ELAVL4: variants seen among roughly 807,000 people sequenced by gnomAD.
ELAVL4 encodes the protein ELAV like RNA binding protein 4, also known as ELAV-like protein 4.
Under a neutral mutation model 35.6 loss-of-function variants are expected in ELAVL4, and 1 was observed. The observed-to-expected ratio is 0.03, with a 90% CI of 0.01 to 0.13. The LOEUF is 0.13. ELAVL4 is among the 10% of genes least tolerant of loss of function. The pLI, the probability that ELAVL4 is intolerant of heterozygous loss-of-function variation, is 1.00. For missense variants in ELAVL4, 267 were observed against 464.9 expected (o/e 0.57, Z 3.91); for synonymous variants, 156 against 171.0 (o/e 0.91, Z 0.69).
upstream of ELAVL4, among the ~76,000 whole-genome samples, chr1:50,101,718 C>G (rs1365127453): frequency 2.0e-5 from 3 of 151,920 alleles, no homozygotes; most frequent in African/African-American, 7.3e-5. Flanking sequence ...CAAGGCTGGG[C>G]AAAATACTGA....
chr1:50,106,086 T>G, upstream of ELAVL4: 3 of 431,096 alleles, frequency 7.0e-6, no homozygotes, highest in South Asian at 2.4e-4. Flanking sequence ...CCATTTCTGT[T>G]CCTTCCTTTT....
intron 1 of ELAVL4, among the ~76,000 whole-genome samples, chr1:50,059,488 G>A (rs2148475624): frequency 6.6e-6 from 1 of 151,742 alleles, no homozygotes; most frequent in Middle Eastern, 3.4e-3. Flanking sequence ...ACCATAATGA[G>A]ATACCACTTT....
At chr1:50,117,645 A>C (rs1488904279) in intron 1 of ELAVL4, among the ~76,000 whole-genome samples, 2 of 152,120 alleles carry the variant, frequency 1.3e-5, no homozygotes, top group African/African-American at 4.8e-5. Flanking sequence ...CAGTATTTGA[A>C]GGCACCAGTC....
At chr1:50,109,575 G>GGGGGTGGA in intron 1 of ELAVL4, 1 of 385,656 alleles carries the variant, frequency 2.6e-6, no homozygotes, top group Non-Finnish European at 4.7e-6. Flanking sequence ...TTGTGGGGCT[G>GGGGGTGGA]GGGGTGGATG....
At chr1:50,155,090 G>A (rs2148728765) in intron 2 of ELAVL4, among the ~76,000 whole-genome samples, 1 of 151,260 alleles carries the variant, frequency 6.6e-6, no homozygotes, top group South Asian at 2.1e-4. Context: ...AGTTACATAT[G>A]TATACATGTG....
Position 50,200,899 on chromosome 1 carries a change from C to T in ELAVL4, c.822C>T (p.Asn274=), listed in dbSNP as rs751652260. The T allele has an allele frequency of 6.2e-6, 10 of 1,614,030 alleles. No homozygotes were observed. The South Asian group carries it at 1.1e-4, about 18-fold the overall frequency. The change falls in exon 7 of 7, where the codon AAC becomes AAT. Residue 274 remains asparagine, a synonymous_variant. Coordinates refer to ENST00000371824, the MANE Select transcript of ELAVL4 (RefSeq NM_001144774.3). The stretch of plus-strand genomic sequence containing the variant: ...GAATGACAAGCCTTGTGGGAATGAA[C>T]ATCCCTGGTCACACAGGAACTGGGT... ...IDGMTSLVGM[N]IPGHTGTGWC... is the part of the protein sequence containing the mutation.
At chr1:50,048,545 G>A (rs773008351) in intron 1 of ELAVL4, among the ~76,000 whole-genome samples, 3 of 152,156 alleles carry the variant, frequency 2.0e-5, no homozygotes, top group Non-Finnish European at 4.4e-5. Flanking sequence ...TCCTCTCTGC[G>A]CCTTTCCGTA....
chr1:50,117,432 T>A (rs867789096), intron 1 of ELAVL4, among the ~76,000 whole-genome samples: 3 of 152,130 alleles, frequency 2.0e-5, no homozygotes, highest in Non-Finnish European at 4.4e-5. Flanking sequence ...GGCAAGCCTC[T>A]AAAAAGATTG....
At position 50,121,622 on chromosome 1, in the gene ELAVL4, G is replaced by C. The variant is rs4926549; in HGVS notation, c.9+12424G>C. On this transcript the variant is annotated intron_variant, in intron 1 of 6. Transcript: ENST00000371824. Reference sequence around the variant, plus strand: ...GGTCAGAAAAGTTTGAGAAATACTGGTCTAGATAATAGTGAGCTCTGTATT... The same window carrying C: ...GGTCAGAAAAGTTTGAGAAATACTGCTCTAGATAATAGTGAGCTCTGTATT... Among the ~76,000 whole-genome samples the C allele has an allele frequency of 3.3e-5, 5 of 151,942 alleles. No individual in the cohort carries two copies. The South Asian group carries it at 8.3e-4, about 25-fold the overall frequency.
At chr1:50,197,352 C>A in intron 5 of ELAVL4, 77 bp from the exon 6 acceptor site, 1 of 1,395,472 alleles carries the variant, frequency 7.2e-7, no homozygotes, top group Non-Finnish European at 9.6e-7. Context: ...GAAAATGGAG[C>A]ATTCTTATTA....
intron 2 of ELAVL4, among the ~76,000 whole-genome samples, chr1:50,162,584 T>C (rs767845617): frequency 6.6e-6 from 1 of 152,122 alleles, no homozygotes; most frequent in African/African-American, 2.4e-5. Flanking sequence ...TTTGTTGTTG[T>C]TGCGTTGATG....
chr1:50,120,780 G>A (rs759054034), intron 1 of ELAVL4, among the ~76,000 whole-genome samples: 5 of 151,986 alleles, frequency 3.3e-5, no homozygotes, highest in Non-Finnish European at 7.4e-5. Flanking sequence ...GAAAAATATC[G>A]ACTTTACTTC....
chr1:50,054,155 G>A (rs1237846987), intron 1 of ELAVL4, among the ~76,000 whole-genome samples: 1 of 152,246 alleles, frequency 6.6e-6, no homozygotes, highest in African/African-American at 2.4e-5. Context: ...CTACCAGTAA[G>A]TAGATGCTTA....
intron 1 of ELAVL4, among the ~76,000 whole-genome samples, chr1:50,048,708 C>G (rs1333432787): frequency 2.6e-5 from 4 of 152,166 alleles, no homozygotes; most frequent in African/African-American, 9.6e-5. Flanking sequence ...ACAGGGAGGG[C>G]AGCACCCTCC....
At chr1:50,194,906 C>G (rs1442602333) in intron 4 of ELAVL4, among the ~76,000 whole-genome samples, 2 of 152,156 alleles carry the variant, frequency 1.3e-5, no homozygotes, top group African/African-American at 4.8e-5. Context: ...CGAGGAAGAA[C>G]AGTCTATTCG....
intron 1 of ELAVL4, among the ~76,000 whole-genome samples, chr1:50,049,843 C>G (rs1663260008): frequency 1.3e-5 from 2 of 152,082 alleles, no homozygotes; most frequent in Non-Finnish European, 1.5e-5. Flanking sequence ...TAAAGTAATC[C>G]TCTTTAGTTA....
At chr1:50,115,634 A>T (rs1667815081) in intron 1 of ELAVL4, among the ~76,000 whole-genome samples, 1 of 152,092 alleles carries the variant, frequency 6.6e-6, no homozygotes, top group East Asian at 1.9e-4. Flanking sequence ...CCCAGCGAAG[A>T]TGGTGAATTC....
At chr1:50,083,254 C>G (rs1475278589) in intron 1 of ELAVL4, among the ~76,000 whole-genome samples, 7 of 152,020 alleles carry the variant, frequency 4.6e-5, no homozygotes, top group Non-Finnish European at 5.9e-5. Flanking sequence ...TTTTGAGACA[C>G]TGGGTATTGG....
At chr1:50,057,974 G>T (rs984581435) in intron 1 of ELAVL4, among the ~76,000 whole-genome samples, 1 of 152,166 alleles carries the variant, frequency 6.6e-6, no homozygotes, top group Non-Finnish European at 1.5e-5. Context: ...TATAAATTAT[G>T]CAAGCAAAGC....
Sources: allele counts gnomAD v4.1 joint callset (sites outside exome capture counted in the v4.1 genomes callset), GRCh38; gene constraint gnomAD v4.1.1; transcripts MANE v1.5; gene names NCBI Gene and HGNC (gene_info 2026-07-23, HGNC 2026-07-21).